Variants in KIR3DL1 observed in about 807,000 individuals in gnomAD.
The protein encoded by KIR3DL1 is killer cell immunoglobulin-like receptor 3DL1.
In KIR3DL1, 50 loss-of-function variants were observed where a neutral mutation model predicts 40.3. The ratio of observed to expected loss-of-function variants is 1.24; its 90% CI spans 0.99 to 1.57. The LOEUF (loss-of-function observed/expected upper bound fraction) is 1.57. KIR3DL1 is among the 40% of genes most tolerant of loss of function. KIR3DL1 has a pLI of 0.00. For missense variants in KIR3DL1, 661 were observed against 559.9 expected (o/e 1.18, Z -1.82); for synonymous variants, 257 against 207.2 (o/e 1.24, Z -2.07).
At chr19:54,827,527 A>G (rs1035518893) in intron 6 of KIR3DL1, among the ~76,000 whole-genome samples, 5 of 150,758 alleles carry the variant, frequency 3.3e-5, no homozygotes, top group African/African-American at 1.2e-4. Context: ...AAGCAGGAGA[A>G]TGACTTCAAC....
intron 6 of KIR3DL1, among the ~76,000 whole-genome samples, chr19:54,827,680 T>C (rs1401570411): frequency 1.3e-5 from 2 of 150,292 alleles, no homozygotes; most frequent in Non-Finnish European, 2.9e-5. Context: ...GCACCTGAAT[T>C]CCCATCATCA....
intron 1 of KIR3DL1, 38 bp downstream of exon 1, chr19:54,816,572 G>C: frequency 6.2e-7 from 1 of 1,607,398 alleles, no homozygotes; most frequent in Non-Finnish European, 8.5e-7. Flanking sequence ...GGAGTGCGGG[G>C]ATGGAGATCT....
chr19:54,828,929 G>C (rs1167360875), intron 6 of KIR3DL1, among the ~76,000 whole-genome samples: 2 of 141,568 alleles, frequency 1.4e-5, no homozygotes, highest in African/African-American at 5.1e-5. Context: ...CACACGGCAA[G>C]AGAGGGAGCA....
chr19:54,828,212 C>T (rs964509062), intron 6 of KIR3DL1, among the ~76,000 whole-genome samples: 7 of 151,044 alleles, frequency 4.6e-5, no homozygotes, highest in African/African-American at 9.9e-5. Context: ...AATTCTACTT[C>T]GCTTTTTTTA....
At chr19:54,823,523 T>A (rs1241839401) in intron 5 of KIR3DL1, among the ~76,000 whole-genome samples, 1 of 150,978 alleles carries the variant, frequency 6.6e-6, no homozygotes, top group African/African-American at 2.4e-5. Context: ...TGAGATGGAG[T>A]TTCACTCATA....
intron 5 of KIR3DL1, among the ~76,000 whole-genome samples, chr19:54,823,952 T>G (rs1254054722): frequency 1.1e-4 from 16 of 151,502 alleles, no homozygotes; most frequent in African/African-American, 3.4e-4. Flanking sequence ...TTAATTAAAT[T>G]GTTTTATTGA....
rs1174421031 is a variant in KIR3DL1, at chr19:54,817,616, G to A, written c.70+47G>A. ...AGGGTGTCATCTCCCCACATAAGAG[G>A]ATTTTCCTGAAATGGGAGGGAAGTC... On this transcript the variant is annotated intron_variant, in intron 2 of 8. Coordinates refer to ENST00000391728, the Ensembl canonical transcript of KIR3DL1. The A allele has an allele frequency of 2.6e-4, 374 of 1,427,232 alleles. 12 individuals are homozygous for A. Among genetic ancestry groups the A allele is most frequent in the Non-Finnish European group, 2.8e-4 (292 of 1,043,940 alleles). 88.4% of individuals were successfully genotyped at this position (1,427,232 alleles called of 1,614,324 possible). A position where few individuals can be genotyped will look rare whatever the true frequency, so the allele number is the denominator to read the frequency against.
intron 4 of KIR3DL1, among the ~76,000 whole-genome samples, chr19:54,821,328 A>G (rs188574308): frequency 0.033 from 4,992 of 151,216 alleles, 236 homozygotes; most frequent in South Asian, 0.11. Flanking sequence ...AGGGTCAGAG[A>G]GAATAAAACA....
At position 54,821,368 on chromosome 19, in the gene KIR3DL1, G is replaced by A. The variant is rs1405450005; in HGVS notation, c.656-197G>A. Among the ~76,000 whole-genome samples the A allele has an allele frequency of 1.3e-5, 2 of 151,142 alleles. 1 individual carries two copies. The highest frequency in any genetic ancestry group is 1.3e-4 in the Admixed American group (2 of 15,202). On this transcript the variant is annotated intron_variant, in intron 4 of 8. Transcript: ENST00000391728. Reference sequence around the variant, plus strand: ...AAAAAGGGAAAACATACCTCAGGGTGGGGAAGTGAGGTCATAGACCTAGAG... The same window carrying A: ...AAAAAGGGAAAACATACCTCAGGGTAGGGAAGTGAGGTCATAGACCTAGAG...
At chr19:54,821,923 C>T (rs1243902777) in intron 5 of KIR3DL1, 65 bp downstream of exon 5, 2 of 1,526,238 alleles carry the variant, frequency 1.3e-6, no homozygotes, top group South Asian at 1.1e-5. Flanking sequence ...GAGCTTCCTG[C>T]TGATGATGGA....
At chr19:54,828,146 G>GAGTA (rs2062005634) in intron 6 of KIR3DL1, among the ~76,000 whole-genome samples, 1 of 150,938 alleles carries the variant, frequency 6.6e-6, no homozygotes, top group Admixed American at 6.6e-5. Flanking sequence ...AGATCACAAA[G>GAGTA]AGTAGCACAT....
At chr19:54,824,089 C>A (rs1279566964) in intron 5 of KIR3DL1, among the ~76,000 whole-genome samples, 2 of 151,332 alleles carry the variant, frequency 1.3e-5, no homozygotes, top group African/African-American at 4.9e-5. Context: ...GCAGAAGTTG[C>A]TTGGTTTGAT....
intron 5 of KIR3DL1, among the ~76,000 whole-genome samples, chr19:54,823,470 A>C (rs1356183672): frequency 6.7e-6 from 1 of 149,660 alleles, no homozygotes; most frequent in Non-Finnish European, 1.5e-5. Flanking sequence ...GTCTTGCAGT[A>C]AAAGCCATTT....
exon 1 of KIR3DL1, chr19:54,816,505 C>T (rs605219): frequency 0.47 from 694,461 of 1,463,550 alleles, 145,294 homozygotes; most frequent in East Asian, 0.8. Flanking sequence ...AGCACCATGT[C>T]GCTCATGGTC....
chr19:54,830,005 G>A (rs34775109), intron 8 of KIR3DL1, 25 bp downstream of exon 8: 262,421 of 1,509,772 alleles, frequency 0.17, 57,212 homozygotes, highest in Non-Finnish European at 0.18. Context: ...GCCCAGCCTC[G>A]TGGCTAGTGT....
At chr19:54,820,051 C>T in intron 4 of KIR3DL1, 39 bp downstream of exon 4, 1 of 1,588,770 alleles carries the variant, frequency 6.3e-7, no homozygotes, top group Admixed American at 1.7e-5. Flanking sequence ...GTCACTGGGA[C>T]ACAGAGTGAA....
At position 54,828,349 on chromosome 19, in the gene KIR3DL1, A is replaced by G. The variant is rs748690753; in HGVS notation, c.1001-1012A>G. On this transcript the variant is annotated intron_variant, in intron 6 of 8. Coordinates refer to ENST00000391728, the Ensembl canonical transcript of KIR3DL1. Reference sequence around the variant, plus strand: ...TCCCAGTCCAGTCTTCCCAGAGAAGACTCTAAACACCTCCTGGACTGCACC... The same window carrying G: ...TCCCAGTCCAGTCTTCCCAGAGAAGGCTCTAAACACCTCCTGGACTGCACC... Among the ~76,000 whole-genome samples the G allele has an allele frequency of 9.3e-5, 14 of 151,272 alleles. No homozygotes were observed. The South Asian group carries it at 1.5e-3, about 16-fold the overall frequency.
At chr19:54,819,854 G>C (rs375468097) in exon 4 of KIR3DL1, 10 of 1,612,106 alleles carry the variant, frequency 6.2e-6, no homozygotes, top group Middle Eastern at 1.7e-4. Context: ...GACCCCTCAC[G>C]CCTCGTTGGA....
At chr19:54,816,521 C>T in exon 1 of KIR3DL1, 1 of 1,608,146 alleles carries the variant, frequency 6.2e-7, no homozygotes, top group South Asian at 1.1e-5. Flanking sequence ...TGGTCGTCAG[C>T]ATGGCGTGTG....
Sources: gnomAD v4.1 joint callset for allele counts (sites outside exome capture counted in the v4.1 genomes callset) on GRCh38, gnomAD v4.1.1 for gene constraint, MANE v1.5 for transcripts, NCBI Gene and HGNC (gene_info 2026-07-23, HGNC 2026-07-21) for gene names.